The following EIF4G3 variants were observed in gnomAD, a reference collection of about 807,000 sequenced individuals.
The protein encoded by EIF4G3 is eIF-4-gamma 3.
EIF4G3 carries 34 observed loss-of-function variants against 186.4 expected under a neutral mutation model. That is an observed-to-expected ratio of 0.18 (90% CI 0.14 to 0.24). The LOEUF (loss-of-function observed/expected upper bound fraction) is 0.24, where lower values mean the gene tolerates loss of function less well. EIF4G3 is among the 10% of genes least tolerant of loss of function. EIF4G3 has a pLI of 1.00. For missense variants in EIF4G3, 1,536 were observed against 1,948.5 expected (o/e 0.79, Z 3.99); for synonymous variants, 673 against 679.5 (o/e 0.99, Z 0.15).
chr1:20,812,934 G>A (rs1049690107), intron 35 of EIF4G3, among the ~76,000 whole-genome samples: 1 of 152,326 alleles, frequency 6.6e-6, no homozygotes, highest in South Asian at 2.1e-4. Flanking sequence ...CAAGGAGCAT[G>A]CAAGGCATGT....
intron 15 of EIF4G3, among the ~76,000 whole-genome samples, chr1:20,904,314 T>C (rs1017996093): frequency 1.9e-4 from 29 of 152,156 alleles, no homozygotes; most frequent in Admixed American, 1.5e-3. Flanking sequence ...AAAGTTCTAG[T>C]TGGGGGAAGA....
chr1:20,910,113 TAAAAGCTCGTA>T (rs1209092927), intron 14 of EIF4G3, among the ~76,000 whole-genome samples: 1 of 152,054 alleles, frequency 6.6e-6, no homozygotes, highest in Non-Finnish European at 1.5e-5. Flanking sequence ...ATTAAGTGGT[TAAAAGCTCGTA>T]ATTAGTGCTA....
At chr1:20,846,123 T>C (rs2070916470) in intron 29 of EIF4G3, among the ~76,000 whole-genome samples, 1 of 152,196 alleles carries the variant, frequency 6.6e-6, no homozygotes. Flanking sequence ...CTAGTGATTT[T>C]TGCACTTTGA....
chr1:21,044,406 G>A (rs1317455922), intron 4 of EIF4G3, among the ~76,000 whole-genome samples: 1 of 151,966 alleles, frequency 6.6e-6, no homozygotes, highest in Non-Finnish European at 1.5e-5. Context: ...TCAAAGTGGG[G>A]GCCATGGGGA....
chr1:20,937,603 T>C (rs1457420102), intron 14 of EIF4G3, among the ~76,000 whole-genome samples: 1 of 152,022 alleles, frequency 6.6e-6, no homozygotes, highest in Non-Finnish European at 1.5e-5. Context: ...CTAAGAAAAT[T>C]TAAATAATGG....
At chr1:20,934,291 T>C (rs1220001747) in intron 14 of EIF4G3, among the ~76,000 whole-genome samples, 3 of 152,078 alleles carry the variant, frequency 2.0e-5, no homozygotes, top group Non-Finnish European at 4.4e-5. Flanking sequence ...GTAGAAGACA[T>C]GGTAGACTAT....
chr1:21,037,703 A>T (rs891794694), intron 4 of EIF4G3, among the ~76,000 whole-genome samples: 1 of 152,222 alleles, frequency 6.6e-6, no homozygotes, highest in Non-Finnish European at 1.5e-5. Context: ...CCCTAAATTA[A>T]GACTAGCCCA....
chr1:21,060,711 G>T (rs2094849080), intron 3 of EIF4G3, among the ~76,000 whole-genome samples: 1 of 150,718 alleles, frequency 6.6e-6, no homozygotes, highest in South Asian at 2.1e-4. Context: ...GCGCTGTAAG[G>T]CACCATGATC....
chr1:20,989,082 GGAGAGGA>G (rs2080343705), intron 7 of EIF4G3, among the ~76,000 whole-genome samples: 1 of 83,668 alleles, frequency 1.2e-5, no homozygotes, highest in Non-Finnish European at 2.5e-5. Context: ...GGAGGGGAGG[GGAGAGGA>G]GAGGAGAGGA....
intron 14 of EIF4G3, among the ~76,000 whole-genome samples, chr1:20,906,728 A>G (rs2092206630): frequency 6.6e-6 from 1 of 152,096 alleles, no homozygotes; most frequent in Non-Finnish European, 1.5e-5. Context: ...TAAAGTCTTG[A>G]TTTAAAACAA....
chr1:21,068,051 A>G (rs2095312052), intron 3 of EIF4G3, among the ~76,000 whole-genome samples: 1 of 152,092 alleles, frequency 6.6e-6, no homozygotes. Flanking sequence ...AAAATTGAGT[A>G]TTGCTTTTGA....
At chr1:20,992,386 C>G (rs753894642) in intron 7 of EIF4G3, among the ~76,000 whole-genome samples, 1 of 152,098 alleles carries the variant, frequency 6.6e-6, no homozygotes, top group African/African-American at 2.4e-5. Flanking sequence ...GTAAAGAAAC[C>G]TTTAGGGATC....
intron 2 of EIF4G3, among the ~76,000 whole-genome samples, chr1:21,166,517 G>A (rs1345915835): frequency 1.3e-5 from 2 of 152,116 alleles, no homozygotes; most frequent in African/African-American, 4.8e-5. Flanking sequence ...TTAAGGTCAG[G>A]AGTCCGAGGC....
intron 12 of EIF4G3, among the ~76,000 whole-genome samples, chr1:20,957,529 A>T (rs1363809380): frequency 6.6e-6 from 1 of 151,772 alleles, no homozygotes; most frequent in African/African-American, 2.4e-5. Context: ...TCTCAAAAAA[A>T]AAAAAAAAGA....
chr1:20,817,276 AT>A lies in EIF4G3; in HGVS notation c.4515+115del, dbSNP rs374584616. Reference sequence around the variant, plus strand: ...AATAAATAAATAAAAAAATAAATAAATAAAAAAAAATAAAAATAAAAATTCA... The same window carrying A: ...AATAAATAAATAAAAAAATAAATAAAAAAAAAAAATAAAAATAAAAATTCA... On this transcript the variant is annotated intron_variant, in intron 34 of 36. Coordinates refer to ENST00000602326, the MANE Select transcript of EIF4G3 (RefSeq NM_001391906.1). 87 of 326,710 alleles carry A rather than the reference AT, an allele frequency of 2.7e-4. 1 individual carries two copies. Among genetic ancestry groups the A allele is most frequent in the African/African-American group, 1.1e-3 (36 of 32,226 alleles). 20.2% of individuals were successfully genotyped at this position (326,710 alleles called of 1,614,324 possible). A position where few individuals can be genotyped will look rare whatever the true frequency, so the allele number is the denominator to read the frequency against.
intron 35 of EIF4G3, among the ~76,000 whole-genome samples, chr1:20,811,275 C>CTTCTTA (rs71014112): frequency 0.023 from 3,458 of 151,356 alleles, 602 homozygotes; most frequent in Non-Finnish European, 0.031. Flanking sequence ...TCTTCTTCTT[C>CTTCTTA]TATTTTAGAT....
Position 21,141,377 on chromosome 1 carries a change from T to TTGTG in EIF4G3, c.-272+34794_-272+34797dup, listed in dbSNP as rs10627733. On this transcript the variant is annotated intron_variant, in intron 2 of 36. Coordinates refer to ENST00000602326, the MANE Select transcript of EIF4G3 (RefSeq NM_001391906.1). ...TCTATTTGAGAAAAATATTTTTTCTTTGTGTGTGTGTGTGTGTGTGTATGT... is the reference window on the plus strand; with the variant it reads ...TCTATTTGAGAAAAATATTTTTTCTTTGTGTGTGTGTGTGTGTGTGTGTGTATGT... Among the ~76,000 whole-genome samples, 1,358 of 145,200 alleles carry TTGTG rather than the reference T, an allele frequency of 9.4e-3. 15 individuals are homozygous for TTGTG. Among genetic ancestry groups the TTGTG allele is most frequent in the African/African-American group, 0.021 (839 of 39,424 alleles).
chr1:20,953,993 A>G (rs2096314355), intron 12 of EIF4G3, among the ~76,000 whole-genome samples: 1 of 152,244 alleles, frequency 6.6e-6, no homozygotes, highest in Admixed American at 6.5e-5. Context: ...ATATGGCTGC[A>G]AAGTCTAAAA....
chr1:20,930,093 T>A (rs1173883649), intron 14 of EIF4G3, among the ~76,000 whole-genome samples: 1 of 152,230 alleles, frequency 6.6e-6, no homozygotes, highest in South Asian at 2.1e-4. Flanking sequence ...ATTATCTGAA[T>A]TAAATAATAC....
Sources: gnomAD v4.1 joint callset for allele counts (sites outside exome capture counted in the v4.1 genomes callset) on GRCh38, gnomAD v4.1.1 for gene constraint, MANE v1.5 for transcripts, NCBI Gene and HGNC (gene_info 2026-07-23, HGNC 2026-07-21) for gene names.